SPPL3: variants seen among roughly 807,000 people sequenced by gnomAD.
SPPL3 encodes signal peptide peptidase like 3.
A neutral mutation model predicts 42.4 loss-of-function variants in SPPL3; 5 were observed. The observed-to-expected ratio is 0.12, with a 90% CI of 0.06 to 0.25. The LOEUF (loss-of-function observed/expected upper bound fraction) is 0.25. SPPL3 is among the 10% of genes least tolerant of loss of function. The pLI is 1.00. For synonymous variants in SPPL3, 195 were observed against 181.8 expected, an observed-to-expected ratio of 1.07 and a Z score of -0.58; for missense variants, 235 against 489.0, an observed-to-expected ratio of 0.48 and a Z score of 4.90.
chr12:120,893,208 T>C (rs896162362), intron 1 of SPPL3, among the ~76,000 whole-genome samples: 5 of 151,624 alleles, frequency 3.3e-5, no homozygotes, highest in Admixed American at 3.3e-4. Context: ...CCCAGCACTT[T>C]GGGAGGCCGA....
At chr12:120,898,445 G>A (rs747942020) in intron 1 of SPPL3, among the ~76,000 whole-genome samples, 8 of 151,100 alleles carry the variant, frequency 5.3e-5, no homozygotes, top group South Asian at 2.1e-4. Context: ...TTTGTTTATC[G>A]TCTGTCATCC....
At chr12:120,832,198 AT>A (rs2137018712) in intron 1 of SPPL3, among the ~76,000 whole-genome samples, 1 of 152,366 alleles carries the variant, frequency 6.6e-6, no homozygotes, top group South Asian at 2.1e-4. Context: ...ATTATTACTC[AT>A]AAAAACAGGA....
chr12:120,888,806 A>G (rs548939273), intron 1 of SPPL3, among the ~76,000 whole-genome samples: 1 of 152,284 alleles, frequency 6.6e-6, no homozygotes, highest in South Asian at 2.1e-4. Context: ...TATGTGAATT[A>G]TATCTTATAT....
chr12:120,775,030 A>G (rs1446315068), intron 6 of SPPL3, among the ~76,000 whole-genome samples: 2 of 152,206 alleles, frequency 1.3e-5, no homozygotes, highest in East Asian at 1.9e-4. Flanking sequence ...AACCGAGCTC[A>G]AATGTTCTCT....
intron 1 of SPPL3, among the ~76,000 whole-genome samples, chr12:120,878,059 T>C (rs1873161179): frequency 6.6e-6 from 1 of 151,538 alleles, no homozygotes; most frequent in Admixed American, 6.6e-5. Flanking sequence ...AAAATAAAAA[T>C]ATCAGAGTGA....
intron 2 of SPPL3, among the ~76,000 whole-genome samples, chr12:120,802,357 G>A (rs1013604306): frequency 1.1e-4 from 15 of 141,102 alleles, no homozygotes; most frequent in Admixed American, 5.6e-4. Flanking sequence ...GTATGTATGT[G>A]TGTATATATA....
intron 6 of SPPL3, among the ~76,000 whole-genome samples, chr12:120,774,188 T>G (rs1869225840): frequency 6.6e-6 from 1 of 152,172 alleles, no homozygotes; most frequent in Non-Finnish European, 1.5e-5. Context: ...TCTGCAGCCA[T>G]TCTGAGGTGT....
chr12:120,832,092 G>A (rs1871444337), intron 1 of SPPL3, among the ~76,000 whole-genome samples: 3 of 151,960 alleles, frequency 2.0e-5, no homozygotes, highest in Admixed American at 6.6e-5. Context: ...TAGTTTTATC[G>A]AGCTTTTCCT....
chr12:120,900,312 TA>T (rs200169130), intron 1 of SPPL3, among the ~76,000 whole-genome samples: 28 of 145,786 alleles, frequency 1.9e-4, no homozygotes, highest in Middle Eastern at 3.5e-3. Context: ...CAAATCTGTT[TA>T]AAAAAAAAAA....
intron 1 of SPPL3, among the ~76,000 whole-genome samples, chr12:120,854,344 T>C (rs1401546693): frequency 6.6e-6 from 1 of 152,148 alleles, no homozygotes; most frequent in East Asian, 1.9e-4. Context: ...ACTGTTTTGG[T>C]GATAAGTGTT....
chr12:120,897,871 A>G (rs1268941457), intron 1 of SPPL3, among the ~76,000 whole-genome samples: 3 of 152,250 alleles, frequency 2.0e-5, no homozygotes, highest in African/African-American at 7.2e-5. Flanking sequence ...ATCCAAAAGT[A>G]GAACTGACTT....
chr12:120,788,152 T>G (rs961333205), intron 3 of SPPL3, among the ~76,000 whole-genome samples: 1 of 152,244 alleles, frequency 6.6e-6, no homozygotes, highest in African/African-American at 2.4e-5. Flanking sequence ...TCTTTGCTGT[T>G]GCTGTGCATC....
At chr12:120,826,244 G>A (rs182646128) in intron 1 of SPPL3, among the ~76,000 whole-genome samples, 1,947 of 143,540 alleles carry the variant, frequency 0.014, 35 homozygotes, top group African/African-American at 0.048. Flanking sequence ...GGTGAGCTGA[G>A]ATTGCACCAT....
At chr12:120,891,507 G>GA (rs1406181243) in intron 1 of SPPL3, among the ~76,000 whole-genome samples, 18 of 151,752 alleles carry the variant, frequency 1.2e-4, no homozygotes, top group Middle Eastern at 6.8e-3. Context: ...AGAAAAAGGA[G>GA]AAAAAAACGG....
At chr12:120,884,462 T>C (rs1039052038) in intron 1 of SPPL3, among the ~76,000 whole-genome samples, 3 of 152,050 alleles carry the variant, frequency 2.0e-5, no homozygotes, top group African/African-American at 7.2e-5. Flanking sequence ...TACCATAAAT[T>C]TTCTAAGTAA....
chr12:120,889,820 C>A (rs7139145), intron 1 of SPPL3, among the ~76,000 whole-genome samples: 29,528 of 152,112 alleles, frequency 0.19, 4,524 homozygotes, highest in African/African-American at 0.41. Context: ...TCCAGCCTAA[C>A]ACCTTGAATA....
intron 6 of SPPL3, 186 bp from the exon 7 acceptor site, chr12:120,769,245 G>A: frequency 1.9e-6 from 1 of 525,734 alleles, no homozygotes; most frequent in African/African-American, 1.9e-5. Context: ...GTTTGGACTT[G>A]TGGAATTTGG....
chr12:120,857,270 T>C lies in SPPL3; in HGVS notation c.24-46384A>G, dbSNP rs139606355. ...AATTTCCTGCAAATCAAAACCACAA[T>C]GTGATACCATCTCACACCAGTCAGA... is the stretch of plus-strand genomic sequence containing the variant. On this transcript the variant is annotated intron_variant, in intron 1 of 10. Transcript: ENST00000353487. 5.8e-3 allele frequency among the ~76,000 whole-genome samples: 890 copies of C among 152,252 alleles called. 11 individuals are homozygous for C. Among genetic ancestry groups the C allele is most frequent in the African/African-American group, 0.019 (806 of 41,532 alleles).
At chr12:120,796,598 A>G (rs546855869) in intron 2 of SPPL3, among the ~76,000 whole-genome samples, 160 of 152,088 alleles carry the variant, frequency 1.1e-3, no homozygotes, top group African/African-American at 3.3e-3. Context: ...CCTTATCTAA[A>G]TATTTTTTAT....
Sources: gnomAD v4.1 joint callset for allele counts (sites outside exome capture counted in the v4.1 genomes callset) on GRCh38, gnomAD v4.1.1 for gene constraint, MANE v1.5 for transcripts, NCBI Gene and HGNC (gene_info 2026-07-23, HGNC 2026-07-21) for gene names.